Variants in ZCCHC17 observed in about 807,000 individuals in gnomAD.
ZCCHC17 encodes the protein zinc finger CCHC-type containing 17.
Under a neutral mutation model 30.6 loss-of-function variants are expected in ZCCHC17, and 18 were observed. The ratio of observed to expected loss-of-function variants is 0.59; its 90% CI spans 0.41 to 0.87. The LOEUF (loss-of-function observed/expected upper bound fraction) is 0.87, where lower values mean the gene tolerates loss of function less well. Among genes scored for constraint, ZCCHC17 ranks in the 40% least tolerant of loss-of-function variants. ZCCHC17 has a pLI of 0.00. For missense variants in ZCCHC17, 263 were observed against 284.2 expected, an observed-to-expected ratio of 0.93 and a Z score of 0.54; for synonymous variants, 88 against 92.4, an observed-to-expected ratio of 0.95 and a Z score of 0.27.
At chr1:31,361,212 T>C (rs1362045905) in intron 7 of ZCCHC17, among the ~76,000 whole-genome samples, 1 of 152,224 alleles carries the variant, frequency 6.6e-6, no homozygotes, top group Non-Finnish European at 1.5e-5. Context: ...CTGAGAAGCT[T>C]TGTTGCCTTC....
At chr1:31,323,895 C>T (rs1476864781) in intron 3 of ZCCHC17, among the ~76,000 whole-genome samples, 1 of 152,082 alleles carries the variant, frequency 6.6e-6, no homozygotes, top group African/African-American at 2.4e-5. Flanking sequence ...TCCAGAAATT[C>T]TTTGAAGAAT....
intron 3 of ZCCHC17, among the ~76,000 whole-genome samples, chr1:31,334,303 A>ATCTCTCTCTCTC (rs373770669): frequency 2.1e-4 from 11 of 51,586 alleles, no homozygotes; most frequent in Non-Finnish European, 4.3e-4. Flanking sequence ...ATCCATGTGC[A>ATCTCTCTCTCTC]TCTCTCTCTC....
chr1:31,341,859 G>C (rs973245126), intron 5 of ZCCHC17, among the ~76,000 whole-genome samples: 13 of 152,302 alleles, frequency 8.5e-5, no homozygotes, highest in Admixed American at 8.5e-4. Context: ...GTAGCTACTT[G>C]TAGTTATTGT....
intron 7 of ZCCHC17, among the ~76,000 whole-genome samples, chr1:31,359,916 C>G (rs181535089): frequency 1.4e-4 from 21 of 152,224 alleles, no homozygotes; most frequent in African/African-American, 5.1e-4. Flanking sequence ...AGAGCAGAAG[C>G]TTGGTTCATC....
At chr1:31,324,875 G>A (rs904350937) in intron 3 of ZCCHC17, among the ~76,000 whole-genome samples, 3 of 149,726 alleles carry the variant, frequency 2.0e-5, no homozygotes, top group South Asian at 2.2e-4. Flanking sequence ...CGGTGAAGCC[G>A]CACCTTCAAG....
intron 1 of ZCCHC17, among the ~76,000 whole-genome samples, chr1:31,298,271 T>G (rs1462964362): frequency 6.6e-6 from 1 of 152,126 alleles, no homozygotes; most frequent in Non-Finnish European, 1.5e-5. Context: ...CAAAGGTAAC[T>G]CCTAGGTTTC....
At chr1:31,337,140 C>G (rs1392309422) in intron 3 of ZCCHC17, 35 bp from the exon 4 acceptor site, 1 of 1,583,476 alleles carries the variant, frequency 6.3e-7, no homozygotes, top group African/African-American at 1.3e-5. Flanking sequence ...CAGATATGCC[C>G]TCTGCTTTAC....
At chr1:31,358,801 G>C (rs759634473) in intron 7 of ZCCHC17, among the ~76,000 whole-genome samples, 27 of 152,130 alleles carry the variant, frequency 1.8e-4, no homozygotes, top group Non-Finnish European at 3.1e-4. Flanking sequence ...GAGTTCAAGG[G>C]AGAGGCCCAG....
chr1:31,346,765 C>T (rs747699542), intron 6 of ZCCHC17, 25 bp downstream of exon 6: 2 of 1,613,862 alleles, frequency 1.2e-6, no homozygotes, highest in Admixed American at 1.7e-5. Flanking sequence ...CTGCCCTTTC[C>T]ACGTTTCTCT....
intron 2 of ZCCHC17, among the ~76,000 whole-genome samples, chr1:31,317,023 T>TG (rs1646749673): frequency 7.3e-6 from 1 of 137,256 alleles, no homozygotes; most frequent in Non-Finnish European, 1.5e-5. Flanking sequence ...TAACTTTTTT[T>TG]CTTTTTTTTT....
chr1:31,345,332 A>G (rs1229338492), intron 5 of ZCCHC17, among the ~76,000 whole-genome samples: 2 of 150,340 alleles, frequency 1.3e-5, no homozygotes, highest in Non-Finnish European at 3.0e-5. Flanking sequence ...AATTTTTTGT[A>G]TTTTTAGTAG....
chr1:31,346,473 G>A (rs568220653), intron 5 of ZCCHC17, 167 bp from the exon 6 acceptor site: 1 of 617,430 alleles, frequency 1.6e-6, no homozygotes, highest in South Asian at 2.8e-5. Flanking sequence ...GTTAATTTAG[G>A]GCTATTTCAC....
intron 1 of ZCCHC17, 157 bp downstream of exon 1, chr1:31,297,232 T>C: frequency 2.5e-6 from 1 of 399,248 alleles, no homozygotes; most frequent in Non-Finnish European, 4.4e-6. Flanking sequence ...TAGCCTGGGC[T>C]CCCTTTCGGG....
intron 1 of ZCCHC17, among the ~76,000 whole-genome samples, chr1:31,306,990 A>G (rs1646477171): frequency 6.6e-6 from 1 of 152,054 alleles, no homozygotes; most frequent in Non-Finnish European, 1.5e-5. Context: ...GGTGCGCACC[A>G]CCATGCCTAG....
chr1:31,323,466 C>T (rs938573275), intron 3 of ZCCHC17, among the ~76,000 whole-genome samples: 2 of 151,934 alleles, frequency 1.3e-5, no homozygotes, highest in Non-Finnish European at 2.9e-5. Flanking sequence ...GGACTACAGG[C>T]ACCCGCCACC....
intron 4 of ZCCHC17, among the ~76,000 whole-genome samples, 161 bp from the exon 5 acceptor site, chr1:31,338,796 G>T (rs1295303771): frequency 6.6e-6 from 1 of 152,056 alleles, no homozygotes; most frequent in African/African-American, 2.4e-5. Context: ...CTGCCACAGG[G>T]TCTACCTGTT....
chr1:31,339,898 A>G lies in ZCCHC17; in HGVS notation c.317+850A>G, dbSNP rs370703187. Among the ~76,000 whole-genome samples, 25 of 146,358 alleles carry G rather than the reference A, an allele frequency of 1.7e-4. No individual in the cohort carries two copies. In the South Asian group the frequency reaches 5.6e-3, roughly 33 times the overall value. Reference sequence around the variant, plus strand: ...TTCATTTAGGAATGGGAAATTATCTATGTAGGACAATGTCTGGCAATACAA... The same window carrying G: ...TTCATTTAGGAATGGGAAATTATCTGTGTAGGACAATGTCTGGCAATACAA... On this transcript the variant is annotated intron_variant, in intron 5 of 7. Coordinates refer to ENST00000344147, the MANE Select transcript of ZCCHC17 (RefSeq NM_016505.4).
At chr1:31,358,355 A>G (rs1252865972) in intron 7 of ZCCHC17, among the ~76,000 whole-genome samples, 1 of 152,220 alleles carries the variant, frequency 6.6e-6, no homozygotes, top group East Asian at 1.9e-4. Context: ...GGTTTTGAGC[A>G]GAGGAATGAC....
chr1:31,338,880 C>G lies in ZCCHC17; in HGVS notation c.226-77C>G. ...AAGAAGCTCAATGTTATGATGAAAA[C>G]GTTGACTCTTAATTTTAGACTGGCC... On this transcript the variant is annotated intron_variant, in intron 4 of 7. Coordinates refer to ENST00000344147, the MANE Select transcript of ZCCHC17 (RefSeq NM_016505.4). 5.4e-6 allele frequency: 5 copies of G among 922,034 alleles called. No homozygotes were observed. In the Admixed American group the frequency reaches 1.2e-4, roughly 22 times the overall value. The allele number at this position is 922,034 out of a possible 1,614,324, so 57.1% of individuals were successfully genotyped here. A position where few individuals can be genotyped will look rare whatever the true frequency, so the allele number is the denominator to read the frequency against.
Sources: allele counts gnomAD v4.1 joint callset (sites outside exome capture counted in the v4.1 genomes callset), GRCh38; gene constraint gnomAD v4.1.1; transcripts MANE v1.5; gene names NCBI Gene and HGNC (gene_info 2026-07-23, HGNC 2026-07-21).